The following ATG7 variants were observed in gnomAD, a reference collection of about 807,000 sequenced individuals.
ATG7 encodes the protein autophagy related 7.
A neutral mutation model predicts 82.4 loss-of-function variants in ATG7; 70 were observed. The ratio of observed to expected loss-of-function variants is 0.85; its 90% CI spans 0.70 to 1.04. The LOEUF is 1.04. ATG7 is among the 50% of genes least tolerant of loss of function. ATG7 has a pLI of 0.00. For synonymous variants in ATG7, 287 were observed against 313.0 expected (o/e 0.92, Z 0.88); for missense variants, 792 against 864.3 (o/e 0.92, Z 1.05).
At chr3:11,404,940 A>G (rs1193097409) in intron 19 of ATG7, among the ~76,000 whole-genome samples, 1 of 152,144 alleles carries the variant, frequency 6.6e-6, no homozygotes, top group Non-Finnish European at 1.5e-5. Context: ...ACAATTCAAG[A>G]TGAGATTTGG....
chr3:11,458,870 T>C (rs1402113757), intron 20 of ATG7, among the ~76,000 whole-genome samples: 1 of 152,162 alleles, frequency 6.6e-6, no homozygotes, highest in Non-Finnish European at 1.5e-5. Context: ...CATTAACGCC[T>C]GTGCTCTGCC....
At chr3:11,521,208 G>C (rs1448544465) in intron 20 of ATG7, among the ~76,000 whole-genome samples, 3 of 152,188 alleles carry the variant, frequency 2.0e-5, no homozygotes, top group Non-Finnish European at 2.9e-5. Flanking sequence ...GCCATAGGCA[G>C]CCATGAGTTG....
intron 9 of ATG7, among the ~76,000 whole-genome samples, chr3:11,324,903 T>C (rs1950649286): frequency 6.6e-6 from 1 of 152,206 alleles, no homozygotes; most frequent in African/African-American, 2.4e-5. Context: ...CAGCTAACTA[T>C]GTACAGTCAC....
At chr3:11,461,647 G>GTT (rs2152999089) in intron 20 of ATG7, among the ~76,000 whole-genome samples, 1 of 152,238 alleles carries the variant, frequency 6.6e-6, no homozygotes, top group African/African-American at 2.4e-5. Flanking sequence ...AAATGGTAAT[G>GTT]TTTGTACTAT....
At chr3:11,461,351 A>G (rs964718986) in intron 20 of ATG7, among the ~76,000 whole-genome samples, 9 of 152,206 alleles carry the variant, frequency 5.9e-5, no homozygotes, top group African/African-American at 2.2e-4. Flanking sequence ...AACCAAAGAT[A>G]AAGTCACTTT....
chr3:11,572,610 T>C, the ATG7 span, among the ~76,000 whole-genome samples: 3,919 of 152,302 alleles, frequency 0.026, 74 homozygotes, highest in South Asian at 0.055. Flanking sequence ...TGTCGTCCTC[T>C]TGCCACACGT....
At position 11,393,685 on chromosome 3, in the gene ATG7, G is replaced by GTT. The variant is rs11371718; in HGVS notation, c.1956+13642_1956+13643dup. ...ATGATAATTTTTGATAGTTTTGTAG[G>GTT]TTTTTTTTTTCTTTTATCTCAGTCT... On this transcript the variant is annotated intron_variant, in intron 19 of 20. Coordinates refer to ENST00000693202, the MANE Select transcript of ATG7 (RefSeq NM_001349232.2). Among the ~76,000 whole-genome samples, 183 of 149,732 alleles carry GTT rather than the reference G, an allele frequency of 1.2e-3. 1 individual carries two copies. The highest frequency in any genetic ancestry group is 3.0e-3 in the African/African-American group (122 of 40,832).
At chr3:11,375,035 CTCT>C (rs1465142714) in intron 18 of ATG7, among the ~76,000 whole-genome samples, 3 of 42,984 alleles carry the variant, frequency 7.0e-5, no homozygotes, top group Non-Finnish European at 1.2e-4. Context: ...GACCTCATCT[CTCT>C]TAAAAAAAAA....
At chr3:11,465,706 AGTGAGCAGTGATTGCACCACT>A (rs1186121654) in intron 20 of ATG7, among the ~76,000 whole-genome samples, 15 of 152,266 alleles carry the variant, frequency 9.9e-5, no homozygotes, top group Admixed American at 9.8e-4. Context: ...TCGTGGCTGC[AGTGAGCAGTGATTGCACCACT>A]GCACACCAAC....
Position 11,313,431 on chromosome 3 carries a change from A to T in ATG7, c.528+11A>T. Reference sequence around the variant, plus strand: ...TTTTCACTAAAACAGGTATCAACAAATAACCAAAATGCACATAAAATTGGG... The same window carrying T: ...TTTTCACTAAAACAGGTATCAACAATTAACCAAAATGCACATAAAATTGGG... On this transcript the variant is annotated intron_variant, in intron 8 of 20. Transcript: ENST00000693202. 1 of 1,570,802 alleles carries T rather than the reference A, an allele frequency of 6.4e-7. No homozygotes were observed. Among genetic ancestry groups the T allele is most frequent in the Non-Finnish European group, 8.7e-7 (1 of 1,147,008 alleles).
chr3:11,479,802 C>T (rs1304828072), intron 20 of ATG7, among the ~76,000 whole-genome samples: 2 of 152,316 alleles, frequency 1.3e-5, no homozygotes, highest in East Asian at 3.9e-4. Context: ...AACCTCCCTC[C>T]ACCAAATTGC....
chr3:11,486,225 G>C (rs1237637472), intron 20 of ATG7, among the ~76,000 whole-genome samples: 1 of 152,128 alleles, frequency 6.6e-6, no homozygotes, highest in African/African-American at 2.4e-5. Context: ...CATGAGCAGT[G>C]GTTTGTATTT....
chr3:11,407,800 C>G (rs2080491145), intron 19 of ATG7, among the ~76,000 whole-genome samples: 2 of 152,324 alleles, frequency 1.3e-5, no homozygotes, highest in African/African-American at 4.8e-5. Flanking sequence ...ATGCAGGGCA[C>G]CAAGTCCTTA....
chr3:11,330,826 CG>C lies in ATG7; in HGVS notation c.679-511del, dbSNP rs538064412. Reference sequence around the variant, plus strand: ...TGAGTAGAGTTTTCCAGATGAAGATCGGGATTGGAGTGGGATGGGAAAGGGG... The same window carrying C: ...TGAGTAGAGTTTTCCAGATGAAGATCGGATTGGAGTGGGATGGGAAAGGGG... On this transcript the variant is annotated intron_variant, in intron 9 of 20. Transcript: ENST00000693202. Among the ~76,000 whole-genome samples the C allele has an allele frequency of 2.8e-3, 423 of 152,136 alleles. 1 individual carries two copies. Among genetic ancestry groups the C allele is most frequent in the Non-Finnish European group, 3.5e-3 (241 of 68,006 alleles).
intron 20 of ATG7, among the ~76,000 whole-genome samples, chr3:11,491,004 T>A (rs1259220312): frequency 2.0e-5 from 3 of 152,212 alleles, no homozygotes; most frequent in Admixed American, 6.5e-5. Flanking sequence ...ATTTCCTGAA[T>A]CTGAATGTTG....
chr3:11,351,517 G>C (rs999198650), intron 14 of ATG7, among the ~76,000 whole-genome samples: 7 of 152,208 alleles, frequency 4.6e-5, no homozygotes, highest in Admixed American at 3.9e-4. Context: ...AGGAGGAAGA[G>C]AAGGCTGAGG....
At chr3:11,363,070 C>T (rs894752119) in intron 17 of ATG7, 142 bp downstream of exon 17, 3 of 719,630 alleles carry the variant, frequency 4.2e-6, no homozygotes, top group Non-Finnish European at 6.8e-6. Context: ...CTAGAAAAAG[C>T]AGGTCTGGTT....
chr3:11,456,628 T>C (rs996029490), intron 20 of ATG7, among the ~76,000 whole-genome samples: 2 of 152,162 alleles, frequency 1.3e-5, no homozygotes, highest in Non-Finnish European at 2.9e-5. Context: ...CTAGGAAATA[T>C]AAACCCTTGA....
chr3:11,289,332 C>A (rs966071293), intron 3 of ATG7, among the ~76,000 whole-genome samples: 2 of 152,198 alleles, frequency 1.3e-5, no homozygotes, highest in Admixed American at 1.3e-4. Flanking sequence ...CTTAAATCTT[C>A]CCTTCCAGCT....
Sources: gnomAD v4.1 joint callset for allele counts (sites outside exome capture counted in the v4.1 genomes callset) on GRCh38, gnomAD v4.1.1 for gene constraint, MANE v1.5 for transcripts, NCBI Gene and HGNC (gene_info 2026-07-23, HGNC 2026-07-21) for gene names.